Variants in KIRREL3 observed in about 807,000 individuals in gnomAD.
The protein encoded by KIRREL3 is kirre like nephrin family adhesion molecule 3.
In KIRREL3, 36 loss-of-function variants were observed where a neutral mutation model predicts 89.7. That is an observed-to-expected ratio of 0.40 (90% CI 0.31 to 0.53). The LOEUF (loss-of-function observed/expected upper bound fraction) is 0.53, where lower values mean the gene tolerates loss of function less well. KIRREL3 is among the 20% of genes least tolerant of loss of function. KIRREL3 has a pLI of 0.49. For missense variants in KIRREL3, 864 were observed against 1,056.6 expected (o/e 0.82, Z 2.53); for synonymous variants, 445 against 441.4 (o/e 1.01, Z -0.10).
In KIRREL3 at chr11:126,796,582, T is replaced by C. The variant is rs1043101816; in HGVS notation, c.55+203873A>G. Among the ~76,000 whole-genome samples, 5 of 152,248 alleles carry C rather than the reference T, an allele frequency of 3.3e-5. No individual in the cohort carries two copies. Among genetic ancestry groups the C allele is most frequent in the Non-Finnish European group, 4.4e-5 (3 of 68,044 alleles). On this transcript the variant is annotated intron_variant, in intron 1 of 16. Coordinates refer to ENST00000525144, the MANE Select transcript of KIRREL3 (RefSeq NM_032531.4). The surrounding 1 kb of genome is among the most constrained non-coding windows in gnomAD (Gnocchi z 5.1). ...TGCCTAGCTGGTACCCACTGGGTGATTGGGCACTAGAAATGTTGGCACAAG... is the reference window on the plus strand; with the variant it reads ...TGCCTAGCTGGTACCCACTGGGTGACTGGGCACTAGAAATGTTGGCACAAG...
At chr11:126,458,837 C>T (rs1956455382) in intron 6 of KIRREL3, among the ~76,000 whole-genome samples, 1 of 152,206 alleles carries the variant, frequency 6.6e-6, no homozygotes, top group Admixed American at 6.5e-5. Context: ...CAAGGAATAG[C>T]CACGAGAACG....
At chr11:126,868,056 C>T (rs1462120582) in intron 1 of KIRREL3, among the ~76,000 whole-genome samples, 1 of 100,814 alleles carries the variant, frequency 9.9e-6, no homozygotes, top group Admixed American at 1.5e-4. Flanking sequence ...TCAAGGAAGA[C>T]TGGGGGTGGG....
intron 1 of KIRREL3, among the ~76,000 whole-genome samples, chr11:126,800,396 C>T (rs1946046): frequency 0.23 from 34,329 of 151,956 alleles, 4,521 homozygotes; most frequent in East Asian, 0.46. Flanking sequence ...TGTGATCACC[C>T]GGGTCAGAGG....
At chr11:126,673,284 G>T (rs1043517073) in intron 1 of KIRREL3, among the ~76,000 whole-genome samples, 1 of 152,234 alleles carries the variant, frequency 6.6e-6, no homozygotes, top group Non-Finnish European at 1.5e-5. Context: ...TGTGCTGCTT[G>T]TTCAGAATCT....
intron 1 of KIRREL3, among the ~76,000 whole-genome samples, chr11:126,632,109 G>C (rs1944050772): frequency 6.6e-6 from 1 of 152,228 alleles, no homozygotes; most frequent in Admixed American, 6.5e-5. Context: ...GATTCAGGAG[G>C]TCTGGGAGGG....
rs978004928 is a variant in KIRREL3, at chr11:126,924,382, C to A, written c.55+76073G>T. ...CTGTCTCCCAGCACCTAGCATAACA[C>A]CAGGTCCTTATAAGTACTCAAAAAA... On this transcript the variant is annotated intron_variant, in intron 1 of 16. Transcript: ENST00000525144. The surrounding 1 kb of genome is among the most constrained non-coding windows in gnomAD (Gnocchi z 4.7). 4.6e-5 allele frequency among the ~76,000 whole-genome samples: 7 copies of A among 152,300 alleles called. No individual in the cohort carries two copies. Among genetic ancestry groups the A allele is most frequent in the Middle Eastern group, 3.4e-3 (1 of 294 alleles).
rs893666486 is a variant in KIRREL3 at position 126,997,800 on chromosome 11, T to A, written c.55+2655A>T. ...TGTTCCCAGAAACTCCTAAGTGCCA[T>A]GCAGATTCCCACTGTGAGATGTGTT... On this transcript the variant is annotated intron_variant, in intron 1 of 16. Transcript: ENST00000525144. The surrounding 1 kb of genome is among the most constrained non-coding windows in gnomAD (Gnocchi z 4.3). Among the ~76,000 whole-genome samples the A allele has an allele frequency of 6.6e-6, 1 of 152,176 alleles. No individual in the cohort carries two copies.
At chr11:126,921,211 G>A (rs1052776411) in intron 1 of KIRREL3, among the ~76,000 whole-genome samples, 3 of 152,156 alleles carry the variant, frequency 2.0e-5, no homozygotes, top group Non-Finnish European at 4.4e-5. Flanking sequence ...GGCTCCCCCA[G>A]ATCTCAGGCC....
intron 1 of KIRREL3, among the ~76,000 whole-genome samples, chr11:126,746,902 C>A (rs1316235848): frequency 6.6e-6 from 1 of 152,208 alleles, no homozygotes; most frequent in Non-Finnish European, 1.5e-5. Flanking sequence ...GGAACAGCCT[C>A]ACGTGGCCCT....
In KIRREL3 at chr11:126,562,429, T is replaced by G. The variant is rs1282743692; in HGVS notation, c.133+406A>C. Among the ~76,000 whole-genome samples, 2 of 152,166 alleles carry G rather than the reference T, an allele frequency of 1.3e-5. No individual in the cohort carries two copies. Among genetic ancestry groups the G allele is most frequent in the African/African-American group, 4.8e-5 (2 of 41,438 alleles). On this transcript the variant is annotated intron_variant, in intron 2 of 16. Transcript: ENST00000525144. The surrounding 1 kb of genome is among the most constrained non-coding windows in gnomAD (Gnocchi z 4.7). Reference sequence around the variant, plus strand: ...TTTGGTATTCTCCTAAGTGCCTGTATAGTGCTGTTTATTCAACAGGCATTC... The same window carrying G: ...TTTGGTATTCTCCTAAGTGCCTGTAGAGTGCTGTTTATTCAACAGGCATTC...
chr11:126,768,199 ATCCATCCATCC>A lies in KIRREL3; in HGVS notation c.56-205298_56-205288del, dbSNP rs1949904491. 6.7e-6 allele frequency among the ~76,000 whole-genome samples: 1 copy of A among 149,460 alleles called. No homozygotes were observed. The highest frequency in any genetic ancestry group is 6.6e-5 in the Admixed American group (1 of 15,050). On this transcript the variant is annotated intron_variant, in intron 1 of 16. Coordinates refer to ENST00000525144, the MANE Select transcript of KIRREL3 (RefSeq NM_032531.4). This position sits in a 1 kb window ranked among gnomAD's most constrained non-coding sequence, Gnocchi z 4.5. ...CATCCATCCATCCATCCATCCATCC[ATCCATCCATCC>A]ATCCATCCATCCATTCAATCTGTCC...
chr11:126,899,011 G>GC (rs1049584978), intron 1 of KIRREL3, among the ~76,000 whole-genome samples: 6 of 151,066 alleles, frequency 4.0e-5, no homozygotes, highest in African/African-American at 7.3e-5. Flanking sequence ...GGGGAGTTTG[G>GC]GGGGGGTCTC....
intron 1 of KIRREL3, among the ~76,000 whole-genome samples, chr11:126,963,284 C>T (rs968788531): frequency 2.3e-4 from 34 of 149,992 alleles, no homozygotes; most frequent in African/African-American, 7.9e-4. Context: ...TTCTCCCTTG[C>T]CATCCTTCAC....
intron 2 of KIRREL3, among the ~76,000 whole-genome samples, chr11:126,542,719 C>A: frequency 6.6e-6 from 1 of 152,158 alleles, no homozygotes; most frequent in Non-Finnish European, 1.5e-5. Context: ...CTTTTATTCC[C>A]TTTGGACCTT....
chr11:126,822,489 T>TA (rs1555048104), intron 1 of KIRREL3, among the ~76,000 whole-genome samples: 1 of 152,042 alleles, frequency 6.6e-6, no homozygotes, highest in African/African-American at 2.4e-5. Flanking sequence ...TAATAGGAAT[T>TA]TATGTTTCCT....
intron 1 of KIRREL3, among the ~76,000 whole-genome samples, chr11:126,644,735 G>T (rs1944599186): frequency 6.6e-6 from 1 of 152,194 alleles, no homozygotes; most frequent in Non-Finnish European, 1.5e-5. Context: ...CAATATGCAG[G>T]ATGAATTTAT....
intron 1 of KIRREL3, among the ~76,000 whole-genome samples, chr11:126,952,330 A>G (rs1161935808): frequency 2.0e-5 from 3 of 152,196 alleles, no homozygotes; most frequent in Non-Finnish European, 4.4e-5. Context: ...GGTTGCTGTG[A>G]GCTGAGATCA....
chr11:126,440,644 G>A, intron 10 of KIRREL3, 95 bp from the exon 11 acceptor site: 2 of 1,116,536 alleles, frequency 1.8e-6, no homozygotes, highest in South Asian at 1.3e-5. Flanking sequence ...ATTAATCCAA[G>A]CATTCAGCAA....
rs768560104 is a variant in KIRREL3, at chr11:126,897,481, C to T, written c.55+102974G>A. Among the ~76,000 whole-genome samples, 1 of 152,170 alleles carries T rather than the reference C, an allele frequency of 6.6e-6. No homozygotes were observed. Among genetic ancestry groups the T allele is most frequent in the Non-Finnish European group, 1.5e-5 (1 of 68,038 alleles). On this transcript the variant is annotated intron_variant, in intron 1 of 16. Coordinates refer to ENST00000525144, the MANE Select transcript of KIRREL3 (RefSeq NM_032531.4). This position sits in a 1 kb window ranked among gnomAD's most constrained non-coding sequence, Gnocchi z 4.2. Reference sequence around the variant, plus strand: ...ATCATGAACTTGGACCTTTGTCACTCACCTGTCAACCCCATCTAACACCAC... The same window carrying T: ...ATCATGAACTTGGACCTTTGTCACTTACCTGTCAACCCCATCTAACACCAC...
Sources: gnomAD v4.1 joint callset for allele counts (sites outside exome capture counted in the v4.1 genomes callset) on GRCh38, gnomAD v4.1.1 for gene constraint, Gnocchi (gnomAD v3.1) non-coding constraint, MANE v1.5 for transcripts, NCBI Gene and HGNC (gene_info 2026-07-23, HGNC 2026-07-21) for gene names.